The following SLC30A8 variants were observed in gnomAD, a reference collection of about 807,000 sequenced individuals.
The protein encoded by SLC30A8 is proton-coupled zinc antiporter SLC30A8.
In SLC30A8, 27 loss-of-function variants were observed where a neutral mutation model predicts 36.9. The ratio of observed to expected loss-of-function variants is 0.73; its 90% CI spans 0.54 to 1.01. The LOEUF (loss-of-function observed/expected upper bound fraction) is 1.01. Among genes scored for constraint, SLC30A8 ranks in the 50% least tolerant of loss-of-function variants. The probability of loss-of-function intolerance (pLI) is 0.00; values close to 1 mark genes in which losing one functional copy is unlikely to be tolerated. For missense variants in SLC30A8, 439 were observed against 452.0 expected (o/e 0.97, Z 0.26); for synonymous variants, 164 against 172.4 (o/e 0.95, Z 0.38).
intron 2 of SLC30A8, among the ~76,000 whole-genome samples, chr8:117,127,496 A>C (rs944281547): frequency 7.9e-5 from 12 of 152,064 alleles, no homozygotes; most frequent in Non-Finnish European, 1.6e-4. Flanking sequence ...ATTGTCTCTC[A>C]CAATTAGACT....
chr8:117,013,930 C>T (rs1816428330), intron 1 of SLC30A8, among the ~76,000 whole-genome samples: 1 of 151,942 alleles, frequency 6.6e-6, no homozygotes, highest in Non-Finnish European at 1.5e-5. Context: ...AAATTGTTAG[C>T]CATTAAATTC....
intron 1 of SLC30A8, among the ~76,000 whole-genome samples, chr8:117,141,671 G>A (rs776334978): frequency 2.6e-5 from 4 of 152,118 alleles, no homozygotes; most frequent in South Asian, 2.1e-4. Context: ...CTGTACCAAT[G>A]TGCAGTCTTT....
intron 1 of SLC30A8, among the ~76,000 whole-genome samples, chr8:117,142,714 C>T (rs909692180): frequency 3.9e-5 from 6 of 152,078 alleles, no homozygotes; most frequent in African/African-American, 1.4e-4. Context: ...GATATCACCT[C>T]CACAGCGGTG....
Position 117,163,469 on chromosome 8 carries a change from C to T in SLC30A8, c.768C>T (p.Ser256=). Residue 256 remains serine (S), a synonymous_variant, in exon 6 of 8, where the codon TCC becomes TCT. Coordinates refer to ENST00000456015, the MANE Select transcript of SLC30A8 (RefSeq NM_173851.3). The part of the protein sequence containing the change: ...IADPICTFIF[S]ILVLASTITI... ...ACCCAATCTGCACATTCATCTTTTC[C>T]ATCCTGGTCTTGGCCAGCACCATCA... The T allele has an allele frequency of 6.2e-7, 1 of 1,613,586 alleles. No individual in the cohort carries two copies. The highest frequency in any genetic ancestry group is 2.2e-5 in the East Asian group (1 of 44,844).
At chr8:117,023,878 A>G (rs1313709331) in intron 1 of SLC30A8, among the ~76,000 whole-genome samples, 1 of 152,154 alleles carries the variant, frequency 6.6e-6, no homozygotes, top group Non-Finnish European at 1.5e-5. Flanking sequence ...AAAGAACATT[A>G]TCACCCTAAC....
chr8:117,161,721 A>G lies in SLC30A8; in HGVS notation c.573-17A>G, dbSNP rs368504171. On this transcript the variant is annotated splice_polypyrimidine_tract_variant and intron_variant, in intron 4 of 7. Coordinates refer to ENST00000456015, the MANE Select transcript of SLC30A8 (RefSeq NM_173851.3). Reference sequence around the variant, plus strand: ...GACTGACCTCATGTGTGCTAAGAACATTGTTCTCTCTTTCAGACTAACTGT... The same window carrying G: ...GACTGACCTCATGTGTGCTAAGAACGTTGTTCTCTCTTTCAGACTAACTGT... The G allele has an allele frequency of 1.2e-5, 19 of 1,609,678 alleles. No homozygotes were observed. The African/African-American group carries it at 2.3e-4, about 19-fold the overall frequency.
exon 1 of SLC30A8, chr8:116,951,003 C>T (rs1178841097): frequency 2.0e-5 from 3 of 152,196 alleles, no homozygotes; most frequent in Non-Finnish European, 4.4e-5. Flanking sequence ...ATATCACCCT[C>T]ATGCTGTCTT....
intron 1 of SLC30A8, among the ~76,000 whole-genome samples, chr8:117,036,112 C>T (rs533719282): frequency 1.3e-5 from 2 of 152,088 alleles, no homozygotes; most frequent in African/African-American, 2.4e-5. Context: ...TTTGAATTCC[C>T]CCCCCCAGAA....
chr8:117,154,516 T>C (rs1007744443), intron 3 of SLC30A8, among the ~76,000 whole-genome samples: 21 of 152,234 alleles, frequency 1.4e-4, no homozygotes, highest in African/African-American at 5.1e-4. Flanking sequence ...AAGTTTAGAA[T>C]GGCAGGAAGT....
chr8:116,982,558 T>C (rs1293205142), intron 1 of SLC30A8, among the ~76,000 whole-genome samples: 1 of 152,164 alleles, frequency 6.6e-6, no homozygotes, highest in Non-Finnish European at 1.5e-5. Context: ...GCAAATAAGA[T>C]AGTTATTTAC....
chr8:117,059,876 G>A (rs917483141), intron 2 of SLC30A8, among the ~76,000 whole-genome samples: 1 of 152,102 alleles, frequency 6.6e-6, no homozygotes, highest in Non-Finnish European at 1.5e-5. Flanking sequence ...GGTGAAGACA[G>A]AGATCAATGG....
At chr8:117,074,713 C>T (rs1818437253) in intron 2 of SLC30A8, among the ~76,000 whole-genome samples, 1 of 152,188 alleles carries the variant, frequency 6.6e-6, no homozygotes, top group African/African-American at 2.4e-5. Context: ...TGAACCTGCT[C>T]TTTCTACTGT....
chr8:117,162,472 T>A (rs1044077431), intron 5 of SLC30A8, among the ~76,000 whole-genome samples: 50 of 152,184 alleles, frequency 3.3e-4, no homozygotes, highest in African/African-American at 1.1e-3. Context: ...AAAGTGGGAA[T>A]GACTTCCCGG....
chr8:117,143,665 A>ACACACAC (rs1821762212), intron 1 of SLC30A8, among the ~76,000 whole-genome samples: 3 of 146,190 alleles, frequency 2.1e-5, no homozygotes, highest in Non-Finnish European at 3.0e-5. Flanking sequence ...TCTCCCATAA[A>ACACACAC]ACACACACAC....
At chr8:117,168,703 A>T (rs1477897770) in intron 6 of SLC30A8, among the ~76,000 whole-genome samples, 1 of 152,216 alleles carries the variant, frequency 6.6e-6, no homozygotes, top group African/African-American at 2.4e-5. Flanking sequence ...GATGAATGAT[A>T]GCAAGTCTTC....
At chr8:117,096,164 T>C (rs1408243292) in intron 2 of SLC30A8, among the ~76,000 whole-genome samples, 5 of 152,214 alleles carry the variant, frequency 3.3e-5, no homozygotes, top group Non-Finnish European at 5.9e-5. Context: ...GTTTGAACTT[T>C]GCTCTTTCCA....
chr8:117,010,736 C>T lies in SLC30A8; in HGVS notation c.-265-28483C>T, dbSNP rs371885259. 4.8e-4 allele frequency among the ~76,000 whole-genome samples: 73 copies of T among 152,302 alleles called. 2 individuals are homozygous for T. In the South Asian group the frequency reaches 8.1e-3, roughly 17 times the overall value. On this transcript the variant is annotated intron_variant, in intron 1 of 10. Transcript: ENST00000427715. The stretch of plus-strand genomic sequence containing the variant: ...TGTAAAGGAAGCATAATGGCTTCTG[C>T]TTCTGGGGAGGCCCCGGGAAGCTTC...
chr8:117,169,776 T>A (rs576069782), intron 6 of SLC30A8, among the ~76,000 whole-genome samples: 80 of 152,058 alleles, frequency 5.3e-4, no homozygotes, highest in African/African-American at 1.9e-3. Flanking sequence ...CTACACACTT[T>A]TAAATGACCA....
intron 1 of SLC30A8, among the ~76,000 whole-genome samples, chr8:116,955,566 C>T (rs1167923929): frequency 6.6e-6 from 1 of 151,820 alleles, no homozygotes; most frequent in East Asian, 1.9e-4. Flanking sequence ...CTTGTCTCTA[C>T]TAAAAATATA....
Sources: allele counts gnomAD v4.1 joint callset (sites outside exome capture counted in the v4.1 genomes callset), GRCh38; gene constraint gnomAD v4.1.1; transcripts MANE v1.5; gene names NCBI Gene and HGNC (gene_info 2026-07-23, HGNC 2026-07-21).